Variants in ETAA1 observed in about 807,000 individuals in gnomAD.
ETAA1 encodes the protein ETAA1 activator of ATR kinase, also known as ewing's tumor-associated antigen 1.
Under a neutral mutation model 76.8 loss-of-function variants are expected in ETAA1, and 49 were observed. The observed-to-expected ratio is 0.64, with a 90% CI of 0.51 to 0.81. ETAA1 has a LOEUF of 0.81. ETAA1 is among the 30% of genes least tolerant of loss of function. The pLI, the probability that ETAA1 is intolerant of heterozygous loss-of-function variation, is 0.00. For synonymous variants in ETAA1, 373 were observed against 372.2 expected (o/e 1.00, Z -0.03); for missense variants, 1,099 against 1,074.0 (o/e 1.02, Z -0.32).
In ETAA1 at chr2:67,404,338, C is replaced by G. The variant is rs1430991489; in HGVS notation, c.1656C>G (p.Gly552=). 1.2e-6 allele frequency: 2 copies of G among 1,612,926 alleles called. No individual in the cohort carries two copies. Among genetic ancestry groups the G allele is most frequent in the Non-Finnish European group, 1.7e-6 (2 of 1,179,396 alleles). The part of the protein sequence containing the change: ...IKAPVNTDLF[G]SANLGSKTSV... ...CCCCTGTTAATACTGATCTTTTTGG[C>G]TCTGCAAATCTAGGCAGTAAAACCA... Residue 552 remains glycine (G), a synonymous_variant, in exon 5 of 6, where the codon GGC becomes GGG. Coordinates refer to ENST00000272342, the MANE Select transcript of ETAA1 (RefSeq NM_019002.4).
rs921511921 is a variant in ETAA1, at chr2:67,399,277, C to G, written c.332C>G (p.Ser111Cys). The change falls in exon 2 of 6, where the codon TCT (serine) becomes TGT (cysteine). Residue 111 changes from serine (S) to cysteine (C), a missense_variant. Ser to Cys is a moderately radical substitution (Grantham distance 112, BLOSUM62 -1). Transcript: ENST00000272342. ...GQNDIFWDQNSPLTKQLGKGR... is the reference protein window; with the variant it reads ...GQNDIFWDQNCPLTKQLGKGR... ...AATGATATCTTTTGGGATCAGAATT[C>G]TCCATTGACAAAGCAGTTAGGTAAT... 6.1e-5 allele frequency: 99 copies of G among 1,611,264 alleles called. No individual in the cohort carries two copies. The highest frequency in any genetic ancestry group is 8.3e-5 in the Non-Finnish European group (98 of 1,178,834).
intron 5 of ETAA1, among the ~76,000 whole-genome samples, chr2:67,407,582 CTG>C (rs1249307872): frequency 2.6e-4 from 39 of 152,170 alleles, no homozygotes; most frequent in Non-Finnish European, 2.5e-4. Flanking sequence ...AGTCGAAAGT[CTG>C]TGTATAACTT....
At chr2:67,397,974 G>T (rs1037815087) in intron 1 of ETAA1, among the ~76,000 whole-genome samples, 15 of 152,184 alleles carry the variant, frequency 9.9e-5, no homozygotes, top group African/African-American at 3.6e-4. Flanking sequence ...AGCAGCAGTG[G>T]TGGAGTGAGA....
chr2:67,404,351 G>A lies in ETAA1; in HGVS notation c.1669G>A (p.Gly557Ser), dbSNP rs1676142894. ...TGATCTTTTTGGCTCTGCAAATCTA[G>A]GCAGTAAAACCAGTGTTAGTAACCC... ...NTDLFGSANL[G>S]SKTSVSNPNQ... The change falls in exon 5 of 6, where the codon GGC becomes AGC. Residue 557 changes from glycine to serine, a missense_variant. Coordinates refer to ENST00000272342, the MANE Select transcript of ETAA1 (RefSeq NM_019002.4). The A allele has an allele frequency of 6.2e-7, 1 of 1,613,132 alleles. No individual in the cohort carries two copies. Among genetic ancestry groups the A allele is most frequent in the Non-Finnish European group, 8.5e-7 (1 of 1,179,416 alleles).
rs141373762 is a variant in ETAA1 at position 67,404,244 on chromosome 2, A to G, written c.1562A>G (p.Lys521Arg). ...LTNSTEASERKSALNTRYSNE... is the reference protein window; with the variant it reads ...LTNSTEASERRSALNTRYSNE... ...AACTCTACTGAAGCTTCTGAAAGGAAGTCAGCTTTGAACACAAGGTATTCT... is the reference window on the plus strand; with the variant it reads ...AACTCTACTGAAGCTTCTGAAAGGAGGTCAGCTTTGAACACAAGGTATTCT... Residue 521 changes from lysine (K) to arginine (R), a missense_variant, in exon 5 of 6, where the codon AAG becomes AGG. Lys to Arg is a conservative substitution (Grantham distance 26, BLOSUM62 2). This residue lies in a region of ETAA1 where 761 missense variants were observed against 731.9 expected (regional missense o/e 1.04). Coordinates refer to ENST00000272342, the MANE Select transcript of ETAA1 (RefSeq NM_019002.4). 1 of 1,612,400 alleles carries G rather than the reference A, an allele frequency of 6.2e-7. No individual in the cohort carries two copies. Among genetic ancestry groups the G allele is most frequent in the African/African-American group, 1.3e-5 (1 of 74,842 alleles).
intron 5 of ETAA1, among the ~76,000 whole-genome samples, chr2:67,408,884 T>C (rs1383454629): frequency 5.9e-5 from 4 of 67,878 alleles, no homozygotes; most frequent in Non-Finnish European, 1.2e-4. Flanking sequence ...TTTCTCAGCT[T>C]TGAGACTAAA....
At chr2:67,401,994 A>G (rs1676071270) in intron 3 of ETAA1, 1 of 151,928 alleles carries the variant, frequency 6.6e-6, no homozygotes, top group Admixed American at 6.6e-5. Flanking sequence ...TATTCTAAGA[A>G]GAGTCCTTGC....
In ETAA1 at chr2:67,409,591, T is replaced by A. The variant is rs192736616; in HGVS notation, c.2654-320T>A. ...AATGTATCCTTTTTAAAGATATATT[T>A]ATTCGTGGGTCATATAAATTAGATG... is the stretch of plus-strand genomic sequence containing the variant. On this transcript the variant is annotated intron_variant, in intron 5 of 5. Coordinates refer to ENST00000272342, the MANE Select transcript of ETAA1 (RefSeq NM_019002.4). 8.0e-4 allele frequency among the ~76,000 whole-genome samples: 121 copies of A among 152,120 alleles called. 1 individual carries two copies. Among genetic ancestry groups the A allele is most frequent in the Non-Finnish European group, 1.3e-3 (86 of 67,880 alleles).
rs1676105441 is a variant in ETAA1 at position 67,403,282 on chromosome 2, A to C, written c.600A>C (p.Lys200Asn). The C allele has an allele frequency of 1.3e-6, 2 of 1,594,600 alleles. No homozygotes were observed. The highest frequency in any genetic ancestry group is 1.7e-6 in the Non-Finnish European group (2 of 1,173,640). Residue 200 changes from lysine (K) to asparagine (N), a missense_variant, in exon 5 of 6, where the codon AAA (lysine) becomes AAC (asparagine). By Grantham distance (94) the Lys-to-Asn change is moderately conservative. Coordinates refer to ENST00000272342, the MANE Select transcript of ETAA1 (RefSeq NM_019002.4). ...TGAAACTGGCTAAACAATTTGATAA[A>C]AATATGGAAGAGCTAGATGTGATTC... The part of the protein sequence containing the change: ...ELMKLAKQFD[K>N]NMEELDVIQE...
At position 67,397,680 on chromosome 2, in the gene ETAA1, TCGGCAGC is replaced by T; in HGVS notation, c.223+10_223+16del. 1 of 1,545,314 alleles carries T rather than the reference TCGGCAGC, an allele frequency of 6.5e-7. No individual in the cohort carries two copies. The highest frequency in any genetic ancestry group is 8.7e-7 in the Non-Finnish European group (1 of 1,146,650). On this transcript the variant is annotated intron_variant, in intron 1 of 5. Transcript: ENST00000272342. Reference sequence around the variant, plus strand: ...TAAAAGTAACCCCGAGGGTGAGACGTCGGCAGCGCGGCCTGCCTTGGCTTCGGCGCCG... The same window carrying T: ...TAAAAGTAACCCCGAGGGTGAGACGTGCGGCCTGCCTTGGCTTCGGCGCCG...
chr2:67,405,050 TATA>T lies in ETAA1; in HGVS notation c.2370_2372del (p.Tyr790_Lys791delinsTer). ...TCATATGAATACAGAAATTACTACT[TATA>T]AGAAGAAATTGAGTACTAATCAGCC... On this transcript the variant is annotated stop_gained and inframe_deletion, in exon 5 of 6. Transcript: ENST00000272342. LOFTEE classifies it high-confidence loss of function. The T allele has an allele frequency of 3.7e-6, 6 of 1,611,704 alleles. No individual in the cohort carries two copies. The highest frequency in any genetic ancestry group is 5.1e-6 in the Non-Finnish European group (6 of 1,178,886).
chr2:67,411,048 C>T lies in ETAA1; in HGVS notation c.*1010C>T, dbSNP rs1039725470. On this transcript the variant is annotated 3_prime_UTR_variant, in exon 6 of 6. Transcript: ENST00000272342. The stretch of plus-strand genomic sequence containing the variant: ...TTTTTTCTTTTCAGTTTTTCTGTAA[C>T]TGTAATTTTCCCCTCAATTAATTTA... 2 of 151,934 alleles carry T rather than the reference C, an allele frequency of 1.3e-5. No homozygotes were observed. Among genetic ancestry groups the T allele is most frequent in the African/African-American group, 4.8e-5 (2 of 41,390 alleles). The allele number at this position is 151,934 out of a possible 1,614,324, so 9.4% of individuals were successfully genotyped here.
Position 67,410,209 on chromosome 2 carries a change from T to C in ETAA1, c.*171T>C. On this transcript the variant is annotated 3_prime_UTR_variant, in exon 6 of 6. Transcript: ENST00000272342. Reference sequence around the variant, plus strand: ...TGCAATGGTAAATGAAACATTTCCTTGGACATGTATTTGAAAGTCATTAAA... The same window carrying C: ...TGCAATGGTAAATGAAACATTTCCTCGGACATGTATTTGAAAGTCATTAAA... The C allele has an allele frequency of 1.6e-6, 1 of 634,084 alleles. No individual in the cohort carries two copies. The highest frequency in any genetic ancestry group is 2.6e-6 in the Non-Finnish European group (1 of 380,396). 39.3% of individuals were successfully genotyped at this position (634,084 alleles called of 1,614,324 possible). A position where few individuals can be genotyped will look rare whatever the true frequency, so the allele number is the denominator to read the frequency against.
At position 67,405,021 on chromosome 2, in the gene ETAA1, C is replaced by T. The variant is rs561928710; in HGVS notation, c.2339C>T (p.Ser780Leu). 9.6e-5 allele frequency: 155 copies of T among 1,611,718 alleles called. 1 individual carries two copies. In the South Asian group the frequency reaches 1.7e-3, roughly 18 times the overall value. Residue 780 changes from serine to leucine, a missense_variant, in exon 5 of 6, where the codon TCA becomes TTA. This residue lies in a region of ETAA1 where 302 missense variants were observed against 278.1 expected (regional missense o/e 1.09). Transcript: ENST00000272342. ...GGAAGTTCAAGTTTGAATGTAACTT[C>T]AGATCATATGAATACAGAAATTACT... ...LPGSSSLNVT[S>L]DHMNTEITTY...
rs144404893 is a variant in ETAA1, at chr2:67,408,428, G to A, written c.2654-1483G>A. Among the ~76,000 whole-genome samples, 66 of 152,060 alleles carry A rather than the reference G, an allele frequency of 4.3e-4. No homozygotes were observed. In the East Asian group the frequency reaches 0.012, roughly 27 times the overall value. ...GGTTTTATTTGAATACAGCTCATCAGTTATTTATACATTATCCATAACTAT... is the reference window on the plus strand; with the variant it reads ...GGTTTTATTTGAATACAGCTCATCAATTATTTATACATTATCCATAACTAT... On this transcript the variant is annotated intron_variant, in intron 5 of 5. Transcript: ENST00000272342.
rs1675998311 is a variant in ETAA1 at position 67,399,615 on chromosome 2, A to G, written c.418A>G (p.Ile140Val). 1 of 1,604,482 alleles carries G rather than the reference A, an allele frequency of 6.2e-7. No individual in the cohort carries two copies. The highest frequency in any genetic ancestry group is 8.5e-7 in the Non-Finnish European group (1 of 1,173,266). The change falls in exon 3 of 6, where the codon ATT (isoleucine) becomes GTT (valine). Residue 140 changes from isoleucine to valine, a missense_variant. By Grantham distance (29) the Ile-to-Val change is conservative. Transcript: ENST00000272342. ...TGAGATTTCACATATTGTTAATCGT[A>G]TTGCTCCTCAGGTAAATATCACTAG... The part of the protein sequence containing the change: ...SDEISHIVNR[I>V]APQDEKPTTN...
intron 5 of ETAA1, 127 bp from the exon 6 acceptor site, chr2:67,409,784 G>A (rs2103763025): frequency 1.3e-6 from 1 of 798,480 alleles, no homozygotes; most frequent in East Asian, 2.6e-5. Context: ...ATATTCAGTA[G>A]TTTAGTTTGA....
At chr2:67,406,065 A>C (rs1425508387) in intron 5 of ETAA1, among the ~76,000 whole-genome samples, 1 of 152,054 alleles carries the variant, frequency 6.6e-6, no homozygotes, top group Non-Finnish European at 1.5e-5. Context: ...GATGGGCAAA[A>C]ATGGCGTTTC....
chr2:67,400,249 T>G (rs1676016093), intron 3 of ETAA1: 1 of 152,226 alleles, frequency 6.6e-6, no homozygotes. Flanking sequence ...ATAAAAATTC[T>G]TTGTAAACTA....
Sources: allele counts gnomAD v4.1 joint callset (sites outside exome capture counted in the v4.1 genomes callset), GRCh38; gene constraint gnomAD v4.1.1; regional missense constraint gnomAD v4.1.1; transcripts MANE v1.5; gene names NCBI Gene and HGNC (gene_info 2026-07-23, HGNC 2026-07-21).